ICA1: variants seen among roughly 807,000 people sequenced by gnomAD.
The protein encoded by ICA1 is islet cell autoantigen 1, also known as 69 kDa islet cell autoantigen.
In ICA1, 40 loss-of-function variants were observed where a neutral mutation model predicts 71.0. The ratio of observed to expected loss-of-function variants is 0.56; its 90% CI spans 0.44 to 0.73. The LOEUF (loss-of-function observed/expected upper bound fraction) is 0.73, where lower values mean the gene tolerates loss of function less well. ICA1 is among the 30% of genes least tolerant of loss of function. The probability of loss-of-function intolerance (pLI) is 0.00; values close to 1 mark genes in which losing one functional copy is unlikely to be tolerated. For missense variants in ICA1, 578 were observed against 576.5 expected, an observed-to-expected ratio of 1.00 and a Z score of -0.03; for synonymous variants, 207 against 209.5, an observed-to-expected ratio of 0.99 and a Z score of 0.10.
At chr7:8,143,430 A>G (rs1322736399) in intron 9 of ICA1, among the ~76,000 whole-genome samples, 1 of 152,212 alleles carries the variant, frequency 6.6e-6, no homozygotes, top group Non-Finnish European at 1.5e-5. Flanking sequence ...ATGATGCCTT[A>G]GTATGCATGT....
Position 8,173,374 on chromosome 7 carries a change from A to G in ICA1, c.580-14722T>C, listed in dbSNP as rs1420880223. ...AATGAAGTTAATATTGGCAACGATT[A>G]AAACACATCAAATATATCCAAATCT... On this transcript the variant is annotated intron_variant, in intron 6 of 13. Coordinates refer to ENST00000402384, the MANE Select transcript of ICA1 (RefSeq NM_001136020.3). This position sits in a 1 kb window ranked among gnomAD's most constrained non-coding sequence, Gnocchi z 4.0. 6.6e-6 allele frequency among the ~76,000 whole-genome samples: 1 copy of G among 152,230 alleles called. No homozygotes were observed. The highest frequency in any genetic ancestry group is 1.5e-5 in the Non-Finnish European group (1 of 68,038).
intron 1 of ICA1, among the ~76,000 whole-genome samples, chr7:8,261,324 G>T (rs1468096957): frequency 6.6e-6 from 1 of 152,186 alleles, no homozygotes; most frequent in Non-Finnish European, 1.5e-5. Context: ...AAGGTTCCTG[G>T]AGAGCCGCTT....
At chr7:8,156,823 C>A in intron 8 of ICA1, 3 of 1,478,320 alleles carry the variant, frequency 2.0e-6, no homozygotes, top group South Asian at 2.9e-5. Context: ...TCATTAGACT[C>A]AAGTTCACCA....
intron 6 of ICA1, among the ~76,000 whole-genome samples, chr7:8,208,691 T>C (rs993184749): frequency 2.0e-5 from 3 of 152,200 alleles, no homozygotes; most frequent in Admixed American, 6.5e-5. Flanking sequence ...TAAATCATAC[T>C]ACCTGAACAT....
At chr7:8,122,972 T>C (rs1194532718) in intron 13 of ICA1, among the ~76,000 whole-genome samples, 2 of 152,248 alleles carry the variant, frequency 1.3e-5, no homozygotes, top group Non-Finnish European at 1.5e-5. Context: ...ACATCGACTC[T>C]GAGGCCTCTC....
intron 13 of ICA1, among the ~76,000 whole-genome samples, chr7:8,124,453 T>TG (rs141988238): frequency 0.045 from 6,257 of 138,934 alleles, 266 homozygotes; most frequent in African/African-American, 0.12. Flanking sequence ...ATGAATGCAG[T>TG]GAAAAAAAAA....
chr7:8,190,759 A>C (rs545411945), intron 6 of ICA1, among the ~76,000 whole-genome samples: 1 of 152,324 alleles, frequency 6.6e-6, no homozygotes, highest in East Asian at 1.9e-4. Context: ...TTGGATCAAC[A>C]ACAGAAACTA....
At chr7:8,248,665 G>A (rs1563198187) in intron 1 of ICA1, among the ~76,000 whole-genome samples, 1 of 152,166 alleles carries the variant, frequency 6.6e-6, no homozygotes, top group Non-Finnish European at 1.5e-5. Flanking sequence ...GCATTGAGCT[G>A]AGATCATGCC....
At chr7:8,176,593 CAAT>C (rs916152536) in intron 6 of ICA1, among the ~76,000 whole-genome samples, 5 of 152,200 alleles carry the variant, frequency 3.3e-5, no homozygotes, top group African/African-American at 1.2e-4. Flanking sequence ...GCATGCACAA[CAAT>C]GAGTAAATGA....
intron 8 of ICA1, among the ~76,000 whole-genome samples, chr7:8,155,669 T>C (rs192900965): frequency 6.6e-6 from 1 of 152,304 alleles, no homozygotes; most frequent in East Asian, 1.9e-4. Context: ...CCGATGCACA[T>C]GCATGCCCTA....
chr7:8,221,287 G>A lies in ICA1; in HGVS notation c.368C>T (p.Ser123Phe). ...MQATGKALCF[S>F]SQQRLALRNP... ...AAAGGCCACACACCTTTGCTGGGAA[G>A]AAAAGCAGAGGGCCTTTCCTGTCGC... Residue 123 changes from serine (S) to phenylalanine (F), a missense_variant, in exon 5 of 14, where the codon TCT (serine) becomes TTT (phenylalanine). Ser to Phe is a radical substitution (Grantham distance 155). Transcript: ENST00000402384. 1 of 1,613,642 alleles carries A rather than the reference G, an allele frequency of 6.2e-7. No homozygotes were observed.
intron 6 of ICA1, among the ~76,000 whole-genome samples, chr7:8,203,034 A>G (rs529687159): frequency 2.6e-5 from 4 of 152,250 alleles, no homozygotes; most frequent in Non-Finnish European, 5.9e-5. Context: ...GTATTCAATA[A>G]TAGATATTAA....
chr7:8,115,600 G>A (rs1457142408), intron 13 of ICA1, among the ~76,000 whole-genome samples: 1 of 152,206 alleles, frequency 6.6e-6, no homozygotes, highest in Non-Finnish European at 1.5e-5. Flanking sequence ...GGCAGCCACT[G>A]TTGGAGACAA....
intron 8 of ICA1, among the ~76,000 whole-genome samples, chr7:8,151,803 A>G (rs1798893588): frequency 6.6e-6 from 1 of 152,218 alleles, no homozygotes; most frequent in Non-Finnish European, 1.5e-5. Context: ...GAATTTTCAA[A>G]GCTAAAAGCA....
At chr7:8,214,786 C>T (rs1224703202) in intron 6 of ICA1, among the ~76,000 whole-genome samples, 1 of 152,210 alleles carries the variant, frequency 6.6e-6, no homozygotes, top group Non-Finnish European at 1.5e-5. Context: ...TTCAGTCATG[C>T]TCACTGTGTG....
intron 7 of ICA1, chr7:8,157,576 T>C: frequency 4.3e-6 from 1 of 230,190 alleles, no homozygotes; most frequent in Non-Finnish European, 8.3e-6. Context: ...ACTGGCTTTC[T>C]TAGAACTTAT....
chr7:8,253,816 G>C (rs1809064885), intron 1 of ICA1, among the ~76,000 whole-genome samples: 2 of 152,142 alleles, frequency 1.3e-5, no homozygotes, highest in African/African-American at 4.8e-5. Flanking sequence ...TATACAGAGG[G>C]ATGACTTTAA....
At chr7:8,188,835 CTA>C (rs1357270149) in intron 6 of ICA1, among the ~76,000 whole-genome samples, 5 of 152,134 alleles carry the variant, frequency 3.3e-5, no homozygotes, top group Non-Finnish European at 1.5e-5. Context: ...GGAATCAAGA[CTA>C]TGGTTTGGTG....
intron 13 of ICA1, among the ~76,000 whole-genome samples, chr7:8,122,077 G>A (rs1276971926): frequency 6.6e-6 from 1 of 152,118 alleles, no homozygotes; most frequent in South Asian, 2.1e-4. Context: ...AGGATGAGAA[G>A]TTAGCCAGGT....
Sources: allele counts gnomAD v4.1 joint callset (sites outside exome capture counted in the v4.1 genomes callset), GRCh38; gene constraint gnomAD v4.1.1; non-coding constraint Gnocchi (gnomAD v3.1); transcripts MANE v1.5; gene names NCBI Gene and HGNC (gene_info 2026-07-23, HGNC 2026-07-21).